The following UST variants were observed in gnomAD, a reference collection of about 807,000 sequenced individuals.
UST encodes chondroitin sulfate 2-O-sulfotransferase.
In UST, 21 loss-of-function variants were observed where a neutral mutation model predicts 45.6. The ratio of observed to expected loss-of-function variants is 0.46; its 90% confidence interval spans 0.33 to 0.66. The LOEUF (loss-of-function observed/expected upper bound fraction) is 0.66, where lower values mean the gene tolerates loss of function less well. Among genes scored for constraint, UST ranks in the 30% least tolerant of loss-of-function variants. The pLI is 0.02. For synonymous variants in UST, 215 were observed against 200.6 expected (o/e 1.07, Z -0.61); for missense variants, 463 against 512.4 (o/e 0.90, Z 0.93).
Position 149,076,059 on chromosome 6 carries a change from C to T in UST, c.*1943C>T, listed in dbSNP as rs41288427. 1,736 of 152,904 alleles carry T rather than the reference C, an allele frequency of 0.011. 22 individuals are homozygous for T. The highest frequency in any genetic ancestry group is 0.019 in the Non-Finnish European group (1,264 of 68,194). 9.5% of individuals were successfully genotyped at this position (152,904 alleles called of 1,614,324 possible). A position where few individuals can be genotyped will look rare whatever the true frequency, so the allele number is the denominator to read the frequency against. ...GGGACCACAGAGGCACAGAGTCCAGCACTTGGCCGCTCATGGGCCTTCTTT... is the reference window on the plus strand; with the variant it reads ...GGGACCACAGAGGCACAGAGTCCAGTACTTGGCCGCTCATGGGCCTTCTTT... On this transcript the variant is annotated 3_prime_UTR_variant, in exon 8 of 8. Coordinates refer to ENST00000367463, the MANE Select transcript of UST (RefSeq NM_005715.3).
In UST at chr6:148,748,557, C is replaced by G. The variant is rs886306200; in HGVS notation, c.247+880C>G. ...AGAAGGCGTGACCCCGCAGCTCCCT[C>G]GTCTCGGCTGCGGGAGCCAGGGGTG... On this transcript the variant is annotated intron_variant, in intron 1 of 7. Coordinates refer to ENST00000367463, the MANE Select transcript of UST (RefSeq NM_005715.3). The surrounding 1 kb of genome is among the most constrained non-coding windows in gnomAD (Gnocchi z 5.3). 1.3e-5 allele frequency among the ~76,000 whole-genome samples: 2 copies of G among 152,132 alleles called. No homozygotes were observed. Among genetic ancestry groups the G allele is most frequent in the African/African-American group, 4.8e-5 (2 of 41,508 alleles).
intron 7 of UST, among the ~76,000 whole-genome samples, chr6:149,031,131 C>T (rs1031757349): frequency 1.3e-5 from 2 of 151,378 alleles, no homozygotes; most frequent in Admixed American, 6.6e-5. Flanking sequence ...TGCCTGAACC[C>T]GGAAGGTGGA....
intron 7 of UST, among the ~76,000 whole-genome samples, chr6:149,045,513 G>A (rs750368442): frequency 3.9e-5 from 6 of 152,180 alleles, no homozygotes; most frequent in Admixed American, 6.5e-5. Flanking sequence ...GAACAGAGAG[G>A]ACATGGATGG....
At chr6:148,771,409 G>A (rs1435540836) in intron 1 of UST, among the ~76,000 whole-genome samples, 2 of 152,200 alleles carry the variant, frequency 1.3e-5, no homozygotes, top group African/African-American at 2.4e-5. Context: ...TCCAACGCTT[G>A]TTGGATGACA....
At chr6:148,998,396 C>T (rs1227560152) in intron 5 of UST, among the ~76,000 whole-genome samples, 2 of 152,176 alleles carry the variant, frequency 1.3e-5, no homozygotes, top group African/African-American at 4.8e-5. Context: ...TTGTCTCCAC[C>T]TCATAATTCA....
chr6:148,752,670 A>G (rs1011193368), intron 1 of UST, among the ~76,000 whole-genome samples: 9 of 152,232 alleles, frequency 5.9e-5, no homozygotes, highest in Non-Finnish European at 2.9e-5. Context: ...GGCTTAAGAC[A>G]GTGGTTAGTT....
intron 7 of UST, among the ~76,000 whole-genome samples, chr6:149,049,921 T>TCACACACACACACACA (rs1392198421): frequency 3.9e-5 from 4 of 101,368 alleles, no homozygotes; most frequent in African/African-American, 1.7e-4. Flanking sequence ...TCTCTCTCTC[T>TCACACACACACACACA]CTCTCTCTCT....
At chr6:148,893,212 C>T (rs556866660) in intron 2 of UST, among the ~76,000 whole-genome samples, 60 of 152,100 alleles carry the variant, frequency 3.9e-4, no homozygotes, top group African/African-American at 1.1e-3. Context: ...TTCAAAATTC[C>T]GTTGTAAAAT....
At chr6:149,034,935 A>G (rs370431777) in intron 7 of UST, among the ~76,000 whole-genome samples, 8 of 144,324 alleles carry the variant, frequency 5.5e-5, no homozygotes, top group Admixed American at 2.9e-4. Context: ...AAATTTTACA[A>G]TATGACTCGG....
chr6:148,747,140 G>T lies in UST; in HGVS notation c.-291G>T, dbSNP rs1298154802. The stretch of plus-strand genomic sequence containing the variant: ...GCGGCCGCAAGCGAGCCCGAGGCGC[G>T]GCGGGGCGCGGGGCGTGGGGACGCT... On this transcript the variant is annotated 5_prime_UTR_variant, in exon 1 of 8. Coordinates refer to ENST00000367463, the MANE Select transcript of UST (RefSeq NM_005715.3). Among the ~76,000 whole-genome samples, 1 of 149,714 alleles carries T rather than the reference G, an allele frequency of 6.7e-6. No individual in the cohort carries two copies. Among genetic ancestry groups the T allele is most frequent in the African/African-American group, 2.4e-5 (1 of 41,192 alleles).
intron 4 of UST, among the ~76,000 whole-genome samples, chr6:148,957,537 G>A (rs1229081623): frequency 1.3e-5 from 2 of 152,142 alleles, no homozygotes; most frequent in African/African-American, 2.4e-5. Context: ...CAGTTCAAGC[G>A]ATTCTCCTGC....
chr6:149,026,381 A>G (rs1776051841), intron 7 of UST, among the ~76,000 whole-genome samples: 1 of 152,218 alleles, frequency 6.6e-6, no homozygotes. Context: ...AGAATGATCC[A>G]TAGTCATCCA....
At chr6:148,788,617 G>A (rs191623692) in intron 1 of UST, among the ~76,000 whole-genome samples, 8 of 152,130 alleles carry the variant, frequency 5.3e-5, no homozygotes, top group Admixed American at 5.2e-4. Context: ...GCGTGGCTGT[G>A]ATAAAAAATG....
intron 7 of UST, among the ~76,000 whole-genome samples, chr6:149,045,276 C>T (rs1259791065): frequency 6.6e-6 from 1 of 152,110 alleles, no homozygotes; most frequent in Non-Finnish European, 1.5e-5. Flanking sequence ...GAGAGTTGCT[C>T]CTGTGTTCCT....
intron 1 of UST, among the ~76,000 whole-genome samples, chr6:148,793,080 G>A (rs565840618): frequency 2.6e-4 from 39 of 152,278 alleles, no homozygotes; most frequent in African/African-American, 8.9e-4. Context: ...GAAAGATGGA[G>A]AGGACCACTT....
At chr6:149,055,793 G>C (rs1776553184) in intron 7 of UST, among the ~76,000 whole-genome samples, 1 of 152,124 alleles carries the variant, frequency 6.6e-6, no homozygotes, top group South Asian at 2.1e-4. Flanking sequence ...TCATGCTTGT[G>C]CTGCATCAAA....
intron 1 of UST, among the ~76,000 whole-genome samples, chr6:148,816,240 A>T (rs1777352195): frequency 6.6e-6 from 1 of 152,208 alleles, no homozygotes; most frequent in Admixed American, 6.5e-5. Context: ...ATTGGTCTCA[A>T]GCAGTGAATT....
intron 2 of UST, among the ~76,000 whole-genome samples, chr6:148,933,600 A>C (rs1964571): frequency 0.063 from 9,652 of 152,236 alleles, 391 homozygotes; most frequent in South Asian, 0.13. Context: ...AATGAGGGGA[A>C]ATAGAATTCT....
At chr6:149,010,906 A>ACCAAAC (rs1272083036) in intron 5 of UST, among the ~76,000 whole-genome samples, 3 of 146,966 alleles carry the variant, frequency 2.0e-5, no homozygotes, top group Non-Finnish European at 4.5e-5. Context: ...AAAAAAAAAA[A>ACCAAAC]AAAAAAAAAA....
Sources: gnomAD v4.1 joint callset for allele counts (sites outside exome capture counted in the v4.1 genomes callset) on GRCh38, gnomAD v4.1.1 for gene constraint, Gnocchi (gnomAD v3.1) non-coding constraint, MANE v1.5 for transcripts, NCBI Gene and HGNC (gene_info 2026-07-23, HGNC 2026-07-21) for gene names.